DTNA: variants seen among roughly 807,000 people sequenced by gnomAD.
The protein encoded by DTNA is dystrobrevin alpha.
Under a neutral mutation model 100.7 loss-of-function variants are expected in DTNA, and 43 were observed. The observed-to-expected ratio is 0.43, with a 90% CI of 0.33 to 0.55. The LOEUF is 0.55. DTNA is among the 20% of genes least tolerant of loss of function. The pLI, the probability that DTNA is intolerant of heterozygous loss-of-function variation, is 0.04. For missense variants in DTNA, 798 were observed against 953.9 expected (o/e 0.84, Z 2.15); for synonymous variants, 349 against 347.9 (o/e 1.00, Z -0.04).
chr18:34,803,839 T>C (rs2095290499), intron 4 of DTNA, among the ~76,000 whole-genome samples: 1 of 152,202 alleles, frequency 6.6e-6, no homozygotes, highest in South Asian at 2.1e-4. Flanking sequence ...ACTGAGTGGA[T>C]GGACACTCAA....
intron 16 of DTNA, 110 bp downstream of exon 16, chr18:34,858,508 A>G: frequency 2.7e-6 from 3 of 1,111,268 alleles, no homozygotes; most frequent in East Asian, 5.0e-5. Flanking sequence ...AGCTGCTGAC[A>G]TTTGTTTTTT....
intron 1 of DTNA, among the ~76,000 whole-genome samples, chr18:34,527,055 G>A (rs755420975): frequency 1.4e-4 from 22 of 151,868 alleles, no homozygotes; most frequent in Admixed American, 2.6e-4. Context: ...TTAAGCATTC[G>A]ACAATCATTT....
At chr18:34,842,762 G>A (rs1056753722) in intron 13 of DTNA, among the ~76,000 whole-genome samples, 5 of 152,012 alleles carry the variant, frequency 3.3e-5, no homozygotes, top group African/African-American at 1.2e-4. Context: ...CCCCCAGTAG[G>A]TCCTCTATAT....
At chr18:34,882,564 T>C (rs1314735133) in intron 21 of DTNA, among the ~76,000 whole-genome samples, 1 of 151,994 alleles carries the variant, frequency 6.6e-6, no homozygotes, top group Non-Finnish European at 1.5e-5. Context: ...GAGAAGGGGC[T>C]TCACCATATT....
At chr18:34,733,323 G>A (rs771423147) in intron 1 of DTNA, among the ~76,000 whole-genome samples, 3 of 152,126 alleles carry the variant, frequency 2.0e-5, no homozygotes, top group Non-Finnish European at 4.4e-5. Flanking sequence ...CTGTCCATTC[G>A]ACCTAGAAGT....
At chr18:34,754,027 C>A (rs553810363) in intron 1 of DTNA, among the ~76,000 whole-genome samples, 2 of 152,284 alleles carry the variant, frequency 1.3e-5, no homozygotes, top group South Asian at 4.1e-4. Flanking sequence ...TAACTCTACT[C>A]CTTTCCAATA....
intron 4 of DTNA, 143 bp downstream of exon 4, chr18:34,794,393 A>C: frequency 1.1e-6 from 1 of 906,718 alleles, no homozygotes; most frequent in Non-Finnish European, 1.7e-6. Context: ...TTATGTCAGT[A>C]AAGTCTCCAT....
At position 34,827,518 on chromosome 18, in the gene DTNA, G is replaced by A. The variant is rs531974623; in HGVS notation, c.1002-75G>A. 1.3e-4 allele frequency: 178 copies of A among 1,365,640 alleles called. 2 individuals are homozygous for A. In the South Asian group the frequency reaches 1.5e-3, roughly 11 times the overall value. The allele number at this position is 1,365,640 out of a possible 1,614,324, so 84.6% of individuals were successfully genotyped here. The stretch of plus-strand genomic sequence containing the variant: ...CCAGATCTTCCCATCCCGTTTCCTG[G>A]AGGGATGAGGGAGAGTTTTAAATTT... On this transcript the variant is annotated intron_variant, in intron 9 of 22. Coordinates refer to ENST00000444659, the MANE Select transcript of DTNA (RefSeq NM_001386795.1).
chr18:34,749,758 T>C (rs2092125193), intron 1 of DTNA, among the ~76,000 whole-genome samples: 1 of 152,110 alleles, frequency 6.6e-6, no homozygotes, highest in African/African-American at 2.4e-5. Flanking sequence ...TAACCTTGTA[T>C]TTTAGTAACA....
Position 34,742,494 on chromosome 18 carries a change from T to G in DTNA, c.-1-13482T>G, listed in dbSNP as rs1223974511. Among the ~76,000 whole-genome samples, 8 of 152,154 alleles carry G rather than the reference T, an allele frequency of 5.3e-5. No homozygotes were observed. The East Asian group carries it at 1.6e-3, about 30-fold the overall frequency. Reference sequence around the variant, plus strand: ...TTTATGAGAACTCCAATAATTGCATTGGGCCCACCAGGATAACTCAGGTTA... The same window carrying G: ...TTTATGAGAACTCCAATAATTGCATGGGGCCCACCAGGATAACTCAGGTTA... On this transcript the variant is annotated intron_variant, in intron 1 of 22. Coordinates refer to ENST00000444659, the MANE Select transcript of DTNA (RefSeq NM_001386795.1).
intron 7 of DTNA, 139 bp from the exon 8 acceptor site, chr18:34,818,025 G>C (rs1033741912): frequency 1.2e-5 from 19 of 1,557,296 alleles, no homozygotes; most frequent in Non-Finnish European, 1.5e-5. Flanking sequence ...TGAACTAAAT[G>C]TTTCTCTGAG....
chr18:34,659,531 G>T (rs1002746260), intron 1 of DTNA, among the ~76,000 whole-genome samples: 1 of 151,956 alleles, frequency 6.6e-6, no homozygotes, highest in African/African-American at 2.4e-5. Flanking sequence ...CCTAGCTTCT[G>T]ATATTTCAGC....
At chr18:34,621,612 G>A (rs1159180484) in intron 1 of DTNA, among the ~76,000 whole-genome samples, 1 of 152,090 alleles carries the variant, frequency 6.6e-6, no homozygotes, top group Non-Finnish European at 1.5e-5. Context: ...CTTACATATG[G>A]AATCTAAAAA....
At chr18:34,595,823 C>T (rs768892275) in intron 1 of DTNA, among the ~76,000 whole-genome samples, 1 of 152,136 alleles carries the variant, frequency 6.6e-6, no homozygotes, top group African/African-American at 2.4e-5. Context: ...CACCTGGGGG[C>T]GATATCAGAC....
rs555615507 is a variant in DTNA, at chr18:34,502,842, G to T, written c.-2+9328G>T. ...AGAATGTATATTTGGCTGTTTCGGG[G>T]TAGAGTGTTCTATAAATGCTGATTA... On this transcript the variant is annotated intron_variant, in intron 1 of 19. Coordinates refer to the DTNA transcript ENST00000283365. Among the ~76,000 whole-genome samples the T allele has an allele frequency of 6.6e-5, 10 of 152,288 alleles. No homozygotes were observed. The East Asian group carries it at 1.9e-3, about 29-fold the overall frequency.
intron 1 of DTNA, among the ~76,000 whole-genome samples, chr18:34,723,347 AACC>A (rs2085800416): frequency 6.6e-6 from 1 of 152,192 alleles, no homozygotes; most frequent in African/African-American, 2.4e-5. Context: ...CTGTGTACTT[AACC>A]ACTGTTCAGT....
intron 3 of DTNA, among the ~76,000 whole-genome samples, chr18:34,792,534 TA>T (rs1443243702): frequency 6.6e-6 from 1 of 152,140 alleles, no homozygotes; most frequent in African/African-American, 2.4e-5. Context: ...GACAAAAAAA[TA>T]GGGAGCTGTT....
At chr18:34,581,172 C>T (rs564566613) in intron 1 of DTNA, among the ~76,000 whole-genome samples, 33 of 152,212 alleles carry the variant, frequency 2.2e-4, no homozygotes, top group African/African-American at 6.7e-4. Flanking sequence ...GGCGTGAACC[C>T]GGGAGGTGGA....
chr18:34,621,095 A>G (rs1399825393), intron 1 of DTNA, among the ~76,000 whole-genome samples: 30 of 151,100 alleles, frequency 2.0e-4, no homozygotes, highest in Admixed American at 1.9e-3. Flanking sequence ...TCTCAGTTCT[A>G]CAAATGATTA....
Sources: gnomAD v4.1 joint callset for allele counts (sites outside exome capture counted in the v4.1 genomes callset) on GRCh38, gnomAD v4.1.1 for gene constraint, MANE v1.5 for transcripts, NCBI Gene and HGNC (gene_info 2026-07-23, HGNC 2026-07-21) for gene names.